The following ANXA11 variants were observed in gnomAD, a reference collection of about 807,000 sequenced individuals.
ANXA11 encodes the protein annexin A11, also known as 56 kDa autoantigen.
ANXA11 carries 57 observed loss-of-function variants against 64.7 expected under a neutral mutation model. The ratio of observed to expected loss-of-function variants is 0.88; its 90% CI spans 0.71 to 1.10. ANXA11 has a LOEUF of 1.10. ANXA11 is among the 50% of genes least tolerant of loss of function. ANXA11 has a pLI of 0.00. For synonymous variants in ANXA11, 260 were observed against 265.2 expected, an observed-to-expected ratio of 0.98 and a Z score of 0.19; for missense variants, 675 against 670.7, an observed-to-expected ratio of 1.01 and a Z score of -0.07.
intron 15 of ANXA11, 29 bp downstream of exon 15, chr10:80,157,612 A>G: frequency 1.2e-6 from 2 of 1,601,904 alleles, no homozygotes; most frequent in Middle Eastern, 1.7e-4. Context: ...GCCAAAAGGG[A>G]GCCCAGTTGG....
chr10:80,158,916 T>C (rs1003330291), intron 13 of ANXA11, among the ~76,000 whole-genome samples, 184 bp downstream of exon 13: 1 of 152,146 alleles, frequency 6.6e-6, no homozygotes, highest in African/African-American at 2.4e-5. Flanking sequence ...AGCTAGGGGT[T>C]CAACTGCACA....
At position 80,161,731 on chromosome 10, in the gene ANXA11, C is replaced by T. The variant is rs150565153; in HGVS notation, c.1180+204G>A. On this transcript the variant is annotated intron_variant, in intron 12 of 15. Transcript: ENST00000422982. ...GTACAAAGACACCAGGTTTCTACAC[C>T]GGTAGAACCTCCAGAACTGGATGTT... 6.7e-3 allele frequency among the ~76,000 whole-genome samples: 1,018 copies of T among 152,360 alleles called. 9 individuals are homozygous for T. The highest frequency in any genetic ancestry group is 0.023 in the African/African-American group (947 of 41,582).
chr10:80,163,069 G>C (rs1386525548), intron 11 of ANXA11, among the ~76,000 whole-genome samples: 1 of 152,138 alleles, frequency 6.6e-6, no homozygotes, highest in Non-Finnish European at 1.5e-5. Context: ...AAAGTACGCT[G>C]TCACACAAAA....
At chr10:80,192,231 G>C (rs1187677610) in intron 1 of ANXA11, among the ~76,000 whole-genome samples, 1 of 152,186 alleles carries the variant, frequency 6.6e-6, no homozygotes, top group African/African-American at 2.4e-5. Flanking sequence ...CTGCCTTCCA[G>C]GAAACACACC....
chr10:80,192,247 G>A (rs1846810396), intron 1 of ANXA11, among the ~76,000 whole-genome samples: 1 of 152,152 alleles, frequency 6.6e-6, no homozygotes, highest in Non-Finnish European at 1.5e-5. Flanking sequence ...ACACCGAAGG[G>A]GGAAGAGATG....
chr10:80,176,739 A>C (rs2788297), intron 1 of ANXA11, among the ~76,000 whole-genome samples: 9,596 of 147,954 alleles, frequency 0.065, 312 homozygotes, highest in Middle Eastern at 0.099. Context: ...GCGCTCGTGG[A>C]GCTCATTCTT....
At chr10:80,168,252 C>CAG in intron 5 of ANXA11, among the ~76,000 whole-genome samples, 1 of 95,166 alleles carries the variant, frequency 1.1e-5, no homozygotes. Flanking sequence ...CTGTCTGTGC[C>CAG]GGGGGGGGCG....
At chr10:80,162,069 C>A in intron 11 of ANXA11, 41 bp from the exon 12 acceptor site, 1 of 1,520,402 alleles carries the variant, frequency 6.6e-7, no homozygotes, top group African/African-American at 1.4e-5. Context: ...CAGGCCACAC[C>A]CAGACCCCAG....
chr10:80,157,773 G>A lies in ANXA11; in HGVS notation c.1336-10C>T, dbSNP rs1357879345. On this transcript the variant is annotated splice_polypyrimidine_tract_variant and intron_variant, in intron 14 of 15. Coordinates refer to ENST00000422982, the MANE Select transcript of ANXA11 (RefSeq NM_145868.2). The stretch of plus-strand genomic sequence containing the variant: ...CCTTTGTTCCTGCCCCCTAAAGAGA[G>A]TCCACCCAAGAGCATGAGCACCAGG... 1.2e-6 allele frequency: 2 copies of A among 1,610,998 alleles called. No homozygotes were observed. The highest frequency in any genetic ancestry group is 3.3e-5 in the Admixed American group (2 of 59,836).
Position 80,167,246 on chromosome 10 carries a change from C to T in ANXA11, c.629G>A (p.Arg210Gln), listed in dbSNP as rs147610631. 8.5e-4 allele frequency: 1,378 copies of T among 1,614,120 alleles called. 4 individuals carry two copies. The Middle Eastern group carries it at 9.6e-3, about 11-fold the overall frequency. The change falls in exon 6 of 16, where the codon CGG (arginine) becomes CAG (glutamine). Residue 210 changes from arginine (R) to glutamine (Q), a missense_variant. Arg to Gln is a conservative substitution (Grantham distance 43, BLOSUM62 1). Coordinates refer to ENST00000422982, the MANE Select transcript of ANXA11 (RefSeq NM_145868.2). The part of the protein sequence containing the change: ...FDPLRDAEVL[R>Q]KAMKGFGTDE... ...CTTACCGAAGCCTTTCATGGCCTTC[C>T]GCAGGACCTCGGCATCTCGCAGGGG...
chr10:80,156,574 C>T (rs977205024), intron 15 of ANXA11: 4 of 429,930 alleles, frequency 9.3e-6, no homozygotes, highest in Admixed American at 2.6e-5. Flanking sequence ...AGTGGAATGG[C>T]GTGATCCCAG....
chr10:80,174,147 T>C (rs1246568868), intron 2 of ANXA11, among the ~76,000 whole-genome samples: 1 of 152,154 alleles, frequency 6.6e-6, no homozygotes, highest in African/African-American at 2.4e-5. Context: ...CTGGACCTCC[T>C]GGGCTCAGGT....
Position 80,170,761 on chromosome 10 carries a change from G to A in ANXA11, c.171+39C>T, listed in dbSNP as rs758887998. 2.9e-5 allele frequency: 41 copies of A among 1,430,216 alleles called. No individual in the cohort carries two copies. The African/African-American group carries it at 5.7e-4, about 20-fold the overall frequency. The allele number at this position is 1,430,216 out of a possible 1,614,324, so 88.6% of individuals were successfully genotyped here. ...CTTTGATTCCTCTGGCCACGCAGGT[G>A]TGGCCCCAGGGCTGCCTCAGCAGGA... On this transcript the variant is annotated intron_variant, in intron 4 of 15. Transcript: ENST00000422982.
intron 15 of ANXA11, chr10:80,157,394 G>A: frequency 1.0e-6 from 1 of 985,412 alleles, no homozygotes; most frequent in East Asian, 1.1e-4. Flanking sequence ...TCAAGGTTGG[G>A]GAGGTCCCGA....
At position 80,184,260 on chromosome 10, in the gene ANXA11, C is replaced by T. The variant is rs1382413415; in HGVS notation, c.-57-8105G>A. ...ATAAATACATACAGATGCTCCTTGACTTATGATAGGGTTACATCCAAATAA... is the reference window on the plus strand; with the variant it reads ...ATAAATACATACAGATGCTCCTTGATTTATGATAGGGTTACATCCAAATAA... On this transcript the variant is annotated intron_variant, in intron 1 of 15. Coordinates refer to ENST00000422982, the MANE Select transcript of ANXA11 (RefSeq NM_145868.2). Among the ~76,000 whole-genome samples, 5 of 152,156 alleles carry T rather than the reference C, an allele frequency of 3.3e-5. No individual in the cohort carries two copies. In the East Asian group the frequency reaches 9.6e-4, roughly 29 times the overall value.
At chr10:80,169,535 G>A (rs1282051480) in intron 4 of ANXA11, among the ~76,000 whole-genome samples, 177 bp from the exon 5 acceptor site, 2 of 152,184 alleles carry the variant, frequency 1.3e-5, no homozygotes, top group African/African-American at 2.4e-5. Context: ...AAGTTACACA[G>A]CCAGTGAACA....
chr10:80,155,588 T>G lies in ANXA11; in HGVS notation c.*265A>C. On this transcript the variant is annotated 3_prime_UTR_variant, in exon 16 of 16. Transcript: ENST00000422982. Reference sequence around the variant, plus strand: ...CTTAGCCACAGGCAAAGGGGAATGATTGCATGAGTCAGAAAAATGAAACAT... The same window carrying G: ...CTTAGCCACAGGCAAAGGGGAATGAGTGCATGAGTCAGAAAAATGAAACAT... 4 of 487,802 alleles carry G rather than the reference T, an allele frequency of 8.2e-6. No individual in the cohort carries two copies. The highest frequency in any genetic ancestry group is 1.4e-5 in the Non-Finnish European group (4 of 276,040). 30.2% of individuals were successfully genotyped at this position (487,802 alleles called of 1,614,324 possible). A position where few individuals can be genotyped will look rare whatever the true frequency, so the allele number is the denominator to read the frequency against.
intron 1 of ANXA11, among the ~76,000 whole-genome samples, chr10:80,191,789 C>G (rs1183162335): frequency 6.6e-6 from 1 of 152,236 alleles, no homozygotes; most frequent in African/African-American, 2.4e-5. Context: ...TTTGCACAGG[C>G]AGGGCCATCA....
At position 80,179,184 on chromosome 10, in the gene ANXA11, C is replaced by T. The variant is rs149623213; in HGVS notation, c.-57-3029G>A. On this transcript the variant is annotated intron_variant, in intron 1 of 15. Transcript: ENST00000422982. Reference sequence around the variant, plus strand: ...CTGGTGAGATCTGGTTGTTTAAAAGCGTGTAGCGCCTCCTCCCCACACCTC... The same window carrying T: ...CTGGTGAGATCTGGTTGTTTAAAAGTGTGTAGCGCCTCCTCCCCACACCTC... 6.6e-5 allele frequency among the ~76,000 whole-genome samples: 10 copies of T among 152,240 alleles called. No individual in the cohort carries two copies. In the East Asian group the frequency reaches 7.7e-4, roughly 12 times the overall value.
Sources: gnomAD v4.1 joint callset for allele counts (sites outside exome capture counted in the v4.1 genomes callset) on GRCh38, gnomAD v4.1.1 for gene constraint, MANE v1.5 for transcripts, NCBI Gene and HGNC (gene_info 2026-07-23, HGNC 2026-07-21) for gene names.